The following PHF24 variants were observed in gnomAD, a reference collection of about 807,000 sequenced individuals.
PHF24 encodes the protein Galpha inhibitory interacting protein.
In PHF24, 25 loss-of-function variants were observed where a neutral mutation model predicts 42.6. The ratio of observed to expected loss-of-function variants is 0.59; its 90% CI spans 0.43 to 0.82. The LOEUF (loss-of-function observed/expected upper bound fraction) is 0.82. Among genes scored for constraint, PHF24 ranks in the 40% least tolerant of loss-of-function variants. PHF24 has a pLI of 0.00. For synonymous variants in PHF24, 185 were observed against 204.8 expected, an observed-to-expected ratio of 0.90 and a Z score of 0.83; for missense variants, 470 against 538.1, an observed-to-expected ratio of 0.87 and a Z score of 1.25.
chr9:34,978,585 G>A (rs1413672092), exon 8 of PHF24: 1 of 156,240 alleles, frequency 6.4e-6, no homozygotes, highest in Non-Finnish European at 1.4e-5. Flanking sequence ...GGGCATGTCA[G>A]ACTCGCATGC....
At chr9:34,821,200 T>C in the PHF24 span, among the ~76,000 whole-genome samples, 1 of 152,244 alleles carries the variant, frequency 6.6e-6, no homozygotes, top group Non-Finnish European at 1.5e-5. Context: ...TGTGTTTAAA[T>C]CTACCATCTT....
chr9:34,958,255 G>GCCGCCT (rs772771562), upstream of PHF24: 5,738 of 153,120 alleles, frequency 0.037, 150 homozygotes, highest in African/African-American at 0.056. The surrounding 1 kb of genome is among the most constrained non-coding windows in gnomAD (Gnocchi z 4.5). Context: ...CGCCGCCGCC[G>GCCGCCT]CCTCCTCAGC....
At chr9:34,823,676 C>G in the PHF24 span, among the ~76,000 whole-genome samples, 1 of 152,008 alleles carries the variant, frequency 6.6e-6, no homozygotes, top group Non-Finnish European at 1.5e-5. Flanking sequence ...GAGGTGGAAA[C>G]CTGGCTGGAT....
chr9:34,780,520 A>G, the PHF24 span, among the ~76,000 whole-genome samples: 1 of 151,808 alleles, frequency 6.6e-6, no homozygotes, highest in Non-Finnish European at 1.5e-5. Flanking sequence ...CCTGGGCTCA[A>G]GCAATCTGCC....
At chr9:34,903,267 A>G in the PHF24 span, among the ~76,000 whole-genome samples, 1 of 152,224 alleles carries the variant, frequency 6.6e-6, no homozygotes, top group African/African-American at 2.4e-5. Context: ...GACTATTCAC[A>G]TATCCAGTAG....
the PHF24 span, among the ~76,000 whole-genome samples, chr9:34,769,833 T>C: frequency 6.6e-6 from 1 of 152,184 alleles, no homozygotes; most frequent in Non-Finnish European, 1.5e-5. Context: ...ATAAATGGTT[T>C]TAGGACAACT....
the PHF24 span, among the ~76,000 whole-genome samples, chr9:34,903,298 A>G: frequency 6.6e-6 from 1 of 152,226 alleles, no homozygotes; most frequent in Admixed American, 6.5e-5. Flanking sequence ...GAAGGACAGT[A>G]ATAAAATAAA....
the PHF24 span, among the ~76,000 whole-genome samples, chr9:34,750,523 T>C: frequency 2.7e-5 from 4 of 149,446 alleles, no homozygotes; most frequent in Non-Finnish European, 6.0e-5. Flanking sequence ...AATAAATAAA[T>C]AAATAAATAA....
chr9:34,705,851 C>T, the PHF24 span, among the ~76,000 whole-genome samples: 1 of 152,044 alleles, frequency 6.6e-6, no homozygotes, highest in African/African-American at 2.4e-5. Flanking sequence ...AGCGCTTGAG[C>T]CCAGGAGTTC....
At chr9:34,716,041 A>C in the PHF24 span, among the ~76,000 whole-genome samples, 1 of 152,184 alleles carries the variant, frequency 6.6e-6, no homozygotes, top group African/African-American at 2.4e-5. Flanking sequence ...GCTGGGGCCC[A>C]TGGGCCTGTA....
the PHF24 span, among the ~76,000 whole-genome samples, chr9:34,943,880 C>A: frequency 6.6e-6 from 1 of 152,212 alleles, no homozygotes; most frequent in Non-Finnish European, 1.5e-5. Context: ...CTACTATCAG[C>A]CCCTGAACTG....
the PHF24 span, among the ~76,000 whole-genome samples, chr9:34,848,500 T>C: frequency 1.3e-5 from 2 of 152,198 alleles, no homozygotes; most frequent in Non-Finnish European, 2.9e-5. Flanking sequence ...TTTTCTTCTT[T>C]ATTAGTTTTG....
chr9:34,919,228 C>T, the PHF24 span, among the ~76,000 whole-genome samples: 1 of 152,202 alleles, frequency 6.6e-6, no homozygotes, highest in East Asian at 1.9e-4. Context: ...TTGATAAAAG[C>T]ATACAATGTG....
chr9:34,691,488 A>AG, the PHF24 span, among the ~76,000 whole-genome samples: 2 of 152,152 alleles, frequency 1.3e-5, no homozygotes, highest in Middle Eastern at 3.4e-3. Context: ...GGCCCAGTAA[A>AG]GGGGGCTGTG....
the PHF24 span, among the ~76,000 whole-genome samples, chr9:34,880,508 GAAGATCTACCAAGCAAGTGGAA>G: frequency 6.6e-6 from 1 of 152,120 alleles, no homozygotes; most frequent in African/African-American, 2.4e-5. Flanking sequence ...AGGGATGAAG[GAAGATCTACCAAGCAAGTGGAA>G]AACAAAAAAA....
At chr9:34,854,923 A>G in the PHF24 span, among the ~76,000 whole-genome samples, 1 of 152,204 alleles carries the variant, frequency 6.6e-6, no homozygotes, top group Non-Finnish European at 1.5e-5. Flanking sequence ...GTCTCTTTGA[A>G]GGTCTCTAAG....
chr9:34,718,903 A>G, the PHF24 span, among the ~76,000 whole-genome samples: 1 of 152,308 alleles, frequency 6.6e-6, no homozygotes, highest in South Asian at 2.1e-4. Flanking sequence ...AGCCCAAGAG[A>G]AGAGCTCTAG....
At chr9:34,762,289 T>C in the PHF24 span, among the ~76,000 whole-genome samples, 2 of 145,492 alleles carry the variant, frequency 1.4e-5, no homozygotes, top group Admixed American at 1.4e-4. Context: ...TCCACAATGA[T>C]TGAACTAGTT....
chr9:34,813,635 T>C, the PHF24 span, among the ~76,000 whole-genome samples: 1 of 152,238 alleles, frequency 6.6e-6, no homozygotes, highest in Non-Finnish European at 1.5e-5. Flanking sequence ...ACTCTCAGTA[T>C]CTAAAGTCCA....
Sources: allele counts gnomAD v4.1 joint callset (sites outside exome capture counted in the v4.1 genomes callset), GRCh38; gene constraint gnomAD v4.1.1; non-coding constraint Gnocchi (gnomAD v3.1); transcripts MANE v1.5; gene names NCBI Gene and HGNC (gene_info 2026-07-23, HGNC 2026-07-21).